The following PEMT variants were observed in gnomAD, a reference collection of about 807,000 sequenced individuals.
The protein encoded by PEMT is phospholipid methyltransferase.
In PEMT, 23 loss-of-function variants were observed where a neutral mutation model predicts 27.4. The observed-to-expected ratio is 0.84, with a 90% confidence interval of 0.60 to 1.19. PEMT has a LOEUF of 1.19. Ranked by LOEUF, PEMT falls within the 50% of genes most tolerant of loss-of-function variation. PEMT has a pLI of 0.00. For synonymous variants in PEMT, 137 were observed against 139.1 expected, an observed-to-expected ratio of 0.98 and a Z score of 0.11; for missense variants, 307 against 310.1, an observed-to-expected ratio of 0.99 and a Z score of 0.07.
chr17:17,591,853 T>C (rs1346263527), upstream of PEMT: 6 of 1,368,264 alleles, frequency 4.4e-6, no homozygotes, highest in Admixed American at 3.3e-5. Flanking sequence ...TCCCAGTGTG[T>C]TTCGCCGCAG....
chr17:17,518,662 C>T (rs1907034604), intron 3 of PEMT, among the ~76,000 whole-genome samples: 1 of 152,220 alleles, frequency 6.6e-6, no homozygotes, highest in Non-Finnish European at 1.5e-5. Context: ...ATCCATGACC[C>T]AGGCTTGGCT....
In PEMT at chr17:17,523,556, G is replaced by A. The variant is rs193100206; in HGVS notation, c.205-1161C>T. On this transcript the variant is annotated intron_variant, in intron 2 of 6. Coordinates refer to ENST00000255389, the MANE Select transcript of PEMT (RefSeq NM_148172.3). This position sits in a 1 kb window ranked among gnomAD's most constrained non-coding sequence, Gnocchi z 4.8. ...AGGAGAAGTGAAGGAGGTAGCTCCCGGGCCTTCCCCTCAACCAGCTGTTGG... is the reference window on the plus strand; with the variant it reads ...AGGAGAAGTGAAGGAGGTAGCTCCCAGGCCTTCCCCTCAACCAGCTGTTGG... Among the ~76,000 whole-genome samples, 5 of 152,260 alleles carry A rather than the reference G, an allele frequency of 3.3e-5. No homozygotes were observed. Among genetic ancestry groups the A allele is most frequent in the Admixed American group, 2.0e-4 (3 of 15,292 alleles).
intron 2 of PEMT, among the ~76,000 whole-genome samples, chr17:17,531,790 G>C (rs1908119525): frequency 6.6e-6 from 1 of 151,916 alleles, no homozygotes; most frequent in Non-Finnish European, 1.5e-5. Context: ...ATAGACTAGA[G>C]AGAATCTTTA....
intron 2 of PEMT, among the ~76,000 whole-genome samples, chr17:17,539,423 C>T (rs1908722547): frequency 6.6e-6 from 1 of 152,244 alleles, no homozygotes; most frequent in South Asian, 2.1e-4. Context: ...CCGTTTCCCT[C>T]CTCAAGTGTC....
rs1289552891 is a variant in PEMT at position 17,508,023 on chromosome 17, G to C, written c.578+1411C>G. On this transcript the variant is annotated intron_variant, in intron 5 of 6. Coordinates refer to ENST00000255389, the MANE Select transcript of PEMT (RefSeq NM_148172.3). Reference sequence around the variant, plus strand: ...GAGGCACCGAAGGTTGGGGGGTTAGGGAGGGATTCGTGCAGGAGGGAACAC... The same window carrying C: ...GAGGCACCGAAGGTTGGGGGGTTAGCGAGGGATTCGTGCAGGAGGGAACAC... 3 of 152,572 alleles carry C rather than the reference G, an allele frequency of 2.0e-5. No individual in the cohort carries two copies. The East Asian group carries it at 5.8e-4, about 29-fold the overall frequency. 9.5% of individuals were successfully genotyped at this position (152,572 alleles called of 1,614,324 possible). A position where few individuals can be genotyped will look rare whatever the true frequency, so the allele number is the denominator to read the frequency against.
rs1050260576 is a variant in PEMT at position 17,513,946 on chromosome 17, C to A, written c.321-1292G>T. ...GCGCCTTTCACACCCAGTCTGTAGA[C>A]GGCATCTCCCAGCAGGGCCAGCTTA... On this transcript the variant is annotated intron_variant, in intron 3 of 6. Transcript: ENST00000255389. The surrounding 1 kb of genome is among the most constrained non-coding windows in gnomAD (Gnocchi z 4.1). Among the ~76,000 whole-genome samples, 1 of 152,182 alleles carries A rather than the reference C, an allele frequency of 6.6e-6. No individual in the cohort carries two copies. Among genetic ancestry groups the A allele is most frequent in the African/African-American group, 2.4e-5 (1 of 41,434 alleles).
At chr17:17,521,965 C>T (rs11658944) in intron 3 of PEMT, among the ~76,000 whole-genome samples, 14,012 of 152,180 alleles carry the variant, frequency 0.092, 983 homozygotes, top group African/African-American at 0.19. Context: ...TCTGACTGGA[C>T]GCTTCCTGGA....
intron 2 of PEMT, among the ~76,000 whole-genome samples, chr17:17,543,376 C>T (rs936958246): frequency 1.3e-5 from 2 of 152,244 alleles, no homozygotes; most frequent in Admixed American, 1.3e-4. Context: ...TCACCACATT[C>T]AGTGGCCCTT....
intron 2 of PEMT, among the ~76,000 whole-genome samples, chr17:17,564,148 A>G (rs1910670244): frequency 6.6e-6 from 1 of 152,188 alleles, no homozygotes; most frequent in Admixed American, 6.5e-5. Flanking sequence ...CACAGACGCC[A>G]CCGGAAGGAT....
At chr17:17,542,851 G>A (rs1412722378) in intron 2 of PEMT, among the ~76,000 whole-genome samples, 1 of 152,212 alleles carries the variant, frequency 6.6e-6, no homozygotes, top group Non-Finnish European at 1.5e-5. Flanking sequence ...ACCGTTGCAG[G>A]AGCAGGGCCC....
At chr17:17,509,061 A>C (rs1238996048) in intron 5 of PEMT, among the ~76,000 whole-genome samples, 1 of 152,276 alleles carries the variant, frequency 6.6e-6, no homozygotes, top group Non-Finnish European at 1.5e-5. Context: ...ACGTGAAAAG[A>C]ATCTGAAATT....
At chr17:17,570,794 C>A in intron 2 of PEMT, 1 of 985,446 alleles carries the variant, frequency 1.0e-6, no homozygotes, top group Non-Finnish European at 1.2e-6. Flanking sequence ...TGGCTGCAAG[C>A]AGCTGCTGCT....
intron 2 of PEMT, among the ~76,000 whole-genome samples, chr17:17,524,104 C>G (rs879413384): frequency 6.6e-6 from 1 of 152,234 alleles, no homozygotes; most frequent in Non-Finnish European, 1.5e-5. Flanking sequence ...TTCATTCCCT[C>G]TTACGGCTGA....
intron 2 of PEMT, among the ~76,000 whole-genome samples, chr17:17,557,173 G>A (rs535933107): frequency 3.9e-5 from 6 of 152,142 alleles, no homozygotes; most frequent in South Asian, 2.1e-4. Flanking sequence ...CCCATGCACC[G>A]GCTCCCGGCC....
intron 3 of PEMT, among the ~76,000 whole-genome samples, chr17:17,518,832 C>T (rs777921592): frequency 1.3e-4 from 20 of 152,158 alleles, no homozygotes; most frequent in Non-Finnish European, 1.9e-4. Flanking sequence ...AGAAAGCAGA[C>T]GAGTGCTGCC....
rs1421707609 is a variant in PEMT at position 17,512,432 on chromosome 17, C to T, written c.466+77G>A. 9.0e-6 allele frequency: 12 copies of T among 1,338,224 alleles called. No homozygotes were observed. The highest frequency in any genetic ancestry group is 1.2e-5 in the Non-Finnish European group (12 of 1,017,110). 82.9% of individuals were successfully genotyped at this position (1,338,224 alleles called of 1,614,324 possible). The stretch of plus-strand genomic sequence containing the variant: ...CCCACCGATGTCACGGATAGCAGGG[C>T]AGCAGCCACCTGGCCCTGCACCTCC... On this transcript the variant is annotated intron_variant, in intron 4 of 6. Transcript: ENST00000255389. The surrounding 1 kb of genome is among the most constrained non-coding windows in gnomAD (Gnocchi z 6.3).
In PEMT at chr17:17,512,528, C is replaced by T. The variant is rs765050566; in HGVS notation, c.447G>A (p.Gly149=). The T allele has an allele frequency of 2.5e-6, 4 of 1,603,804 alleles. No individual in the cohort carries two copies. The Admixed American group carries it at 6.8e-5, about 27-fold the overall frequency. ...VLVLSSFFAL[G]FAGTFLGDYF... ...TCTTACCTAGGAAAGTTCCAGCGAACCCCAGTGCAAAGAAGCTGGAGAGCA... is the reference window on the plus strand; with the variant it reads ...TCTTACCTAGGAAAGTTCCAGCGAATCCCAGTGCAAAGAAGCTGGAGAGCA... Residue 149 remains glycine, a synonymous_variant, in exon 4 of 7, where the codon GGG becomes GGA. Coordinates refer to ENST00000255389, the MANE Select transcript of PEMT (RefSeq NM_148172.3). The surrounding 1 kb of genome is among the most constrained non-coding windows in gnomAD (Gnocchi z 6.3).
chr17:17,591,395 C>T (rs568532473), intron 1 of PEMT, 136 bp downstream of exon 1: 4 of 749,414 alleles, frequency 5.3e-6, no homozygotes, highest in South Asian at 1.9e-5. Flanking sequence ...CTCCCCCACC[C>T]CCGCCACGCC....
chr17:17,512,554 C>G lies in PEMT; in HGVS notation c.421G>C (p.Val141Leu), dbSNP rs572671874. 2.5e-6 allele frequency: 4 copies of G among 1,608,480 alleles called. No individual in the cohort carries two copies. Among genetic ancestry groups the G allele is most frequent in the East Asian group, 2.2e-5 (1 of 44,540 alleles). The change falls in exon 4 of 7, where the codon GTG becomes CTG. Residue 141 changes from valine (V) to leucine (L), a missense_variant. By Grantham distance (32) the Val-to-Leu change is conservative. Transcript: ENST00000255389. This position sits in a 1 kb window ranked among gnomAD's most constrained non-coding sequence, Gnocchi z 6.3. ...CCCAGTGCAAAGAAGCTGGAGAGCA[C>G]GAGCACGACGCCCAGTCCCAGGAGC... ...LALLGLGVVL[V>L]LSSFFALGFA...
Sources: gnomAD v4.1 joint callset for allele counts (sites outside exome capture counted in the v4.1 genomes callset) on GRCh38, gnomAD v4.1.1 for gene constraint, Gnocchi (gnomAD v3.1) non-coding constraint, MANE v1.5 for transcripts, NCBI Gene and HGNC (gene_info 2026-07-23, HGNC 2026-07-21) for gene names.